The following AKT3 variants were observed in gnomAD, a reference collection of about 807,000 sequenced individuals.
The protein encoded by AKT3 is AKT serine/threonine kinase 3.
In AKT3, 15 loss-of-function variants were observed where a neutral mutation model predicts 65.3. The ratio of observed to expected loss-of-function variants is 0.23; its 90% CI spans 0.15 to 0.35. The LOEUF is 0.35. AKT3 is among the 10% of genes least tolerant of loss of function. The probability of loss-of-function intolerance (pLI) is 1.00; values close to 1 mark genes in which losing one functional copy is unlikely to be tolerated. For synonymous variants in AKT3, 206 were observed against 183.8 expected, an observed-to-expected ratio of 1.12 and a Z score of -0.98; for missense variants, 243 against 576.5, an observed-to-expected ratio of 0.42 and a Z score of 5.92.
At chr1:243,638,262 TA>T (rs1467590323) in intron 5 of AKT3, among the ~76,000 whole-genome samples, 1 of 152,182 alleles carries the variant, frequency 6.6e-6, no homozygotes, top group Non-Finnish European at 1.5e-5. Context: ...TCAGTTAAAA[TA>T]AATCAAAGAA....
At chr1:243,748,958 T>C (rs1231761580) in intron 2 of AKT3, among the ~76,000 whole-genome samples, 1 of 152,164 alleles carries the variant, frequency 6.6e-6, no homozygotes, top group African/African-American at 2.4e-5. Flanking sequence ...ACCTAGCATA[T>C]GGCAGGCCCT....
At chr1:243,519,512 G>A (rs1173103659) in intron 12 of AKT3, among the ~76,000 whole-genome samples, 1 of 152,106 alleles carries the variant, frequency 6.6e-6, no homozygotes, top group Non-Finnish European at 1.5e-5. Context: ...ACAGTTTTTT[G>A]GGTGCTCAAG....
At chr1:243,614,675 C>T (rs1343849788) in intron 7 of AKT3, among the ~76,000 whole-genome samples, 5 of 152,076 alleles carry the variant, frequency 3.3e-5, no homozygotes, top group Non-Finnish European at 5.9e-5. Context: ...AACATTTCTG[C>T]CTTCCATATT....
At chr1:243,704,903 G>A (rs567239767) in intron 2 of AKT3, among the ~76,000 whole-genome samples, 21 of 152,018 alleles carry the variant, frequency 1.4e-4, no homozygotes, top group Non-Finnish European at 2.6e-4. Context: ...TATTTCACCC[G>A]GTAAACTCTG....
In AKT3 at chr1:243,508,361, G is replaced by A. The variant is rs767877592; in HGVS notation, c.1355-3027C>T. ...CATGGCCCCCAGTGCTGAGCGCTGCGCTCTGCTGAGCCACACAGACAGCAG... is the reference window on the plus strand; with the variant it reads ...CATGGCCCCCAGTGCTGAGCGCTGCACTCTGCTGAGCCACACAGACAGCAG... On this transcript the variant is annotated intron_variant, in intron 13 of 13. Coordinates refer to ENST00000673466, the MANE Select transcript of AKT3 (RefSeq NM_005465.7). Among the ~76,000 whole-genome samples the A allele has an allele frequency of 6.6e-5, 10 of 152,370 alleles. No individual in the cohort carries two copies. The South Asian group carries it at 1.2e-3, about 19-fold the overall frequency.
intron 10 of AKT3, among the ~76,000 whole-genome samples, chr1:243,559,026 G>C (rs924609353): frequency 6.6e-6 from 1 of 152,046 alleles, no homozygotes; most frequent in Non-Finnish European, 1.5e-5. Flanking sequence ...AAATGGTTTG[G>C]ATTCAATAGG....
intron 9 of AKT3, among the ~76,000 whole-genome samples, chr1:243,566,005 C>T (rs1237361448): frequency 2.0e-5 from 3 of 152,080 alleles, no homozygotes; most frequent in South Asian, 2.1e-4. Context: ...TACACCATTC[C>T]ATTCCCATCT....
chr1:243,544,277 G>A (rs1672509805), intron 12 of AKT3, among the ~76,000 whole-genome samples: 1 of 149,684 alleles, frequency 6.7e-6, no homozygotes. Context: ...AGGGGGAGGG[G>A]GGGACAGACA....
At chr1:243,498,431 T>A (rs893096678), downstream of AKT3, among the ~76,000 whole-genome samples, 1 of 152,092 alleles carries the variant, frequency 6.6e-6, no homozygotes, top group African/African-American at 2.4e-5. Flanking sequence ...GAGGGCTGTG[T>A]GCATGGGATG....
At chr1:243,724,752 G>T (rs560187455) in intron 2 of AKT3, among the ~76,000 whole-genome samples, 4 of 151,994 alleles carry the variant, frequency 2.6e-5, no homozygotes, top group Non-Finnish European at 5.9e-5. Context: ...AGTATCTCCT[G>T]GGAGAAAAAA....
At chr1:243,840,915 A>G (rs1472772518) in intron 2 of AKT3, among the ~76,000 whole-genome samples, 18 of 152,154 alleles carry the variant, frequency 1.2e-4, no homozygotes. Flanking sequence ...AAAGTTTAGT[A>G]TATTATATAA....
intron 12 of AKT3, among the ~76,000 whole-genome samples, chr1:243,529,796 T>C (rs1671404375): frequency 6.6e-6 from 1 of 151,908 alleles, no homozygotes; most frequent in Non-Finnish European, 1.5e-5. Context: ...TCCACATGGA[T>C]TTAAAAATAG....
intron 2 of AKT3, among the ~76,000 whole-genome samples, chr1:243,754,942 G>A (rs1313754876): frequency 6.6e-6 from 1 of 152,160 alleles, no homozygotes; most frequent in Non-Finnish European, 1.5e-5. Context: ...CTGAAGTGAG[G>A]AAACCATTCC....
Position 243,843,164 on chromosome 1 carries a change from C to G in AKT3, c.7G>C (p.Asp3His). ...CAACCTTCTTTCACAATGGTAACAT[C>G]GCTCATGATGACTCCCCTCTGAGCC... is the stretch of plus-strand genomic sequence containing the variant. MS[D>H]VTIVKEGWVQ... The change falls in exon 2 of 14, where the codon GAT (aspartate) becomes CAT (histidine). Residue 3 changes from aspartate to histidine, a missense_variant. This residue lies in a region of AKT3 where 29 missense variants were observed against 91.3 expected (regional missense o/e 0.32). Transcript: ENST00000673466. 6.2e-7 allele frequency: 1 copy of G among 1,613,804 alleles called. No homozygotes were observed. Among genetic ancestry groups the G allele is most frequent in the Non-Finnish European group, 8.5e-7 (1 of 1,179,850 alleles).
rs550411923 is a variant in AKT3 at position 243,509,732 on chromosome 1, T to C, written c.1354+2592A>G. Among the ~76,000 whole-genome samples the C allele has an allele frequency of 4.6e-5, 7 of 152,136 alleles. No homozygotes were observed. The East Asian group carries it at 1.4e-3, about 30-fold the overall frequency. ...ACTATGGACTAGCCAATCTGGTGCT[T>C]GAGCAGAATTGAAAATAGGGTGATT... On this transcript the variant is annotated intron_variant, in intron 13 of 13. Coordinates refer to ENST00000673466, the MANE Select transcript of AKT3 (RefSeq NM_005465.7).
rs546793704 is a variant in AKT3, at chr1:243,841,427, C to T, written c.46+1698G>A. ...AACTCAAAAAGGTTCAAGTGATTTGCCATCCCCCTCCAAAAAAAGTAGAAT... is the reference window on the plus strand; with the variant it reads ...AACTCAAAAAGGTTCAAGTGATTTGTCATCCCCCTCCAAAAAAAGTAGAAT... On this transcript the variant is annotated intron_variant, in intron 2 of 13. Transcript: ENST00000673466. 2.6e-5 allele frequency among the ~76,000 whole-genome samples: 4 copies of T among 152,076 alleles called. No homozygotes were observed. The South Asian group carries it at 8.3e-4, about 32-fold the overall frequency.
At chr1:243,656,096 G>T (rs895044371) in intron 4 of AKT3, among the ~76,000 whole-genome samples, 19 of 151,464 alleles carry the variant, frequency 1.3e-4, no homozygotes, top group Non-Finnish European at 2.7e-4. Context: ...ATTTGGTGAG[G>T]GTGTGGCGGG....
At chr1:243,535,868 C>T (rs1671891333) in intron 12 of AKT3, among the ~76,000 whole-genome samples, 1 of 152,162 alleles carries the variant, frequency 6.6e-6, no homozygotes, top group Non-Finnish European at 1.5e-5. Context: ...CTTTTTACCG[C>T]ATCTACATTA....
chr1:243,607,124 A>C (rs963183264), intron 8 of AKT3, among the ~76,000 whole-genome samples: 7 of 152,216 alleles, frequency 4.6e-5, no homozygotes, highest in African/African-American at 1.7e-4. Flanking sequence ...TGCAGAAGGG[A>C]AATGTGGTGT....
Sources: allele counts gnomAD v4.1 joint callset (sites outside exome capture counted in the v4.1 genomes callset), GRCh38; gene constraint gnomAD v4.1.1; regional missense constraint gnomAD v4.1.1; transcripts MANE v1.5; gene names NCBI Gene and HGNC (gene_info 2026-07-23, HGNC 2026-07-21).